Variants in NAALADL2 observed in about 807,000 individuals in gnomAD.
NAALADL2 encodes N-acetylated alpha-linked acidic dipeptidase like 2.
A neutral mutation model predicts 87.2 loss-of-function variants in NAALADL2; 76 were observed. That is an observed-to-expected ratio of 0.87 (90% CI 0.72 to 1.05). The LOEUF is 1.05. Ranked by LOEUF, NAALADL2 falls within the 50% of genes least tolerant of loss-of-function variation. NAALADL2 has a pLI of 0.00. For missense variants in NAALADL2, 1,089 were observed against 945.8 expected, an observed-to-expected ratio of 1.15 and a Z score of -1.99; for synonymous variants, 354 against 331.0, an observed-to-expected ratio of 1.07 and a Z score of -0.75.
intron 2 of NAALADL2, among the ~76,000 whole-genome samples, chr3:175,177,257 A>G (rs993482433): frequency 6.6e-6 from 1 of 152,072 alleles, no homozygotes; most frequent in Non-Finnish European, 1.5e-5. Flanking sequence ...CACTTCGTTT[A>G]TCTGTGATAT....
intron 11 of NAALADL2, among the ~76,000 whole-genome samples, chr3:175,708,190 A>G (rs1339925619): frequency 1.3e-5 from 2 of 152,146 alleles, no homozygotes; most frequent in Non-Finnish European, 2.9e-5. Flanking sequence ...AAGAAGCCAT[A>G]TAAAGACATG....
At chr3:174,753,222 C>T (rs555964550) in intron 3 of NAALADL2, among the ~76,000 whole-genome samples, 35 of 152,134 alleles carry the variant, frequency 2.3e-4, no homozygotes, top group African/African-American at 7.2e-4. Flanking sequence ...TACAGGCATG[C>T]GCCACCATGC....
At chr3:174,487,709 T>A (rs1473595627) in intron 1 of NAALADL2, among the ~76,000 whole-genome samples, 1 of 151,530 alleles carries the variant, frequency 6.6e-6, no homozygotes, top group Non-Finnish European at 1.5e-5. Flanking sequence ...TTTTTTTTTT[T>A]AACAATAGTA....
chr3:175,400,454 C>G (rs1239655629), intron 5 of NAALADL2, among the ~76,000 whole-genome samples: 1 of 152,030 alleles, frequency 6.6e-6, no homozygotes, highest in Non-Finnish European at 1.5e-5. Context: ...ATTTCTTAAT[C>G]TCTACTGAAA....
At position 175,805,968 on chromosome 3, in the gene NAALADL2, G is replaced by A. The variant is rs930167509; in HGVS notation, c.*2765G>A. ...ACCAGATATAGTAACTAAACCCAAA[G>A]TGAGTAAGAAACTTGGACATAGTCA... On this transcript the variant is annotated 3_prime_UTR_variant, in exon 14 of 14. Coordinates refer to ENST00000454872, the MANE Select transcript of NAALADL2 (RefSeq NM_207015.3). 9 of 151,584 alleles carry A rather than the reference G, an allele frequency of 5.9e-5. No homozygotes were observed. The highest frequency in any genetic ancestry group is 9.7e-5 in the African/African-American group (4 of 41,374). The allele number at this position is 151,584 out of a possible 1,614,324, so 9.4% of individuals were successfully genotyped here.
chr3:175,616,541 T>C (rs1260693699), intron 10 of NAALADL2, among the ~76,000 whole-genome samples: 2 of 152,084 alleles, frequency 1.3e-5, no homozygotes, highest in African/African-American at 4.8e-5. Context: ...ATGTAGGAAC[T>C]CTGAAAATAT....
At chr3:174,818,295 T>G (rs1721017601) in intron 3 of NAALADL2, among the ~76,000 whole-genome samples, 1 of 152,184 alleles carries the variant, frequency 6.6e-6, no homozygotes, top group African/African-American at 2.4e-5. Flanking sequence ...GCCACGTCTC[T>G]AGCTTATAAG....
rs558807555 is a variant in NAALADL2 at position 174,921,577 on chromosome 3, G to A, written c.43+62127G>A. On this transcript the variant is annotated intron_variant, in intron 1 of 13. Coordinates refer to ENST00000454872, the MANE Select transcript of NAALADL2 (RefSeq NM_207015.3). ...AGCACTTTGGCAGGCCGAGGCAGGC[G>A]GATCACCAAGTCAGGAGATCGAGAC... 3.0e-3 allele frequency among the ~76,000 whole-genome samples: 458 copies of A among 151,982 alleles called. 3 individuals carry two copies. Among genetic ancestry groups the A allele is most frequent in the African/African-American group, 0.01 (424 of 41,454 alleles).
intron 3 of NAALADL2, among the ~76,000 whole-genome samples, chr3:174,786,236 G>T (rs2109172589): frequency 6.6e-6 from 1 of 152,140 alleles, no homozygotes; most frequent in East Asian, 1.9e-4. Context: ...AGATCATGAG[G>T]TCAGGTGATC....
At chr3:174,584,502 T>C (rs1355176757) in intron 2 of NAALADL2, among the ~76,000 whole-genome samples, 1 of 152,078 alleles carries the variant, frequency 6.6e-6, no homozygotes, top group Non-Finnish European at 1.5e-5. Flanking sequence ...GCTTCAACTT[T>C]CTACACATAG....
chr3:174,495,446 T>G (rs1359018954), intron 1 of NAALADL2, among the ~76,000 whole-genome samples: 1 of 152,198 alleles, frequency 6.6e-6, no homozygotes, highest in African/African-American at 2.4e-5. Flanking sequence ...AGCCCTGTTC[T>G]TGAACACGTT....
At chr3:175,236,580 G>A (rs1274429987) in intron 3 of NAALADL2, among the ~76,000 whole-genome samples, 1 of 151,320 alleles carries the variant, frequency 6.6e-6, no homozygotes, top group African/African-American at 2.4e-5. Flanking sequence ...AGAAAAAGCG[G>A]GGGTGGGTAT....
At chr3:174,910,836 C>T (rs1008881050) in intron 1 of NAALADL2, among the ~76,000 whole-genome samples, 4 of 152,016 alleles carry the variant, frequency 2.6e-5, no homozygotes, top group African/African-American at 9.7e-5. Flanking sequence ...TAATAATGTA[C>T]CATTTTAGGC....
intron 9 of NAALADL2, among the ~76,000 whole-genome samples, chr3:175,500,451 T>A (rs1449194672): frequency 6.6e-6 from 1 of 151,804 alleles, no homozygotes; most frequent in Non-Finnish European, 1.5e-5. Context: ...CAGAGAGGTT[T>A]GTTTGCTTAG....
chr3:175,441,062 T>C (rs573778724), intron 5 of NAALADL2, among the ~76,000 whole-genome samples: 1 of 152,250 alleles, frequency 6.6e-6, no homozygotes, highest in African/African-American at 2.4e-5. Flanking sequence ...TTCTTTTCAT[T>C]TTTCTTTTTA....
intron 11 of NAALADL2, among the ~76,000 whole-genome samples, chr3:175,648,170 T>C (rs931691581): frequency 6.6e-6 from 1 of 152,184 alleles, no homozygotes; most frequent in Non-Finnish European, 1.5e-5. Flanking sequence ...CAAACACTTA[T>C]AACAAGTTCC....
At chr3:174,743,804 A>T (rs573292989) in intron 3 of NAALADL2, among the ~76,000 whole-genome samples, 8 of 150,518 alleles carry the variant, frequency 5.3e-5, no homozygotes, top group African/African-American at 1.7e-4. Context: ...TCTAAAGAAC[A>T]TATTTTTTTT....
chr3:174,991,249 A>ACAAC (rs1746701526), intron 1 of NAALADL2, among the ~76,000 whole-genome samples: 1 of 152,108 alleles, frequency 6.6e-6, no homozygotes, highest in African/African-American at 2.4e-5. Flanking sequence ...GTAGAACAGT[A>ACAAC]AATACAAGAG....
intron 4 of NAALADL2, among the ~76,000 whole-genome samples, chr3:175,286,742 T>C (rs1755022941): frequency 1.3e-5 from 2 of 151,676 alleles, no homozygotes; most frequent in East Asian, 3.9e-4. Flanking sequence ...TCTATACTTT[T>C]AGAAACATTT....
Sources: gnomAD v4.1 joint callset for allele counts (sites outside exome capture counted in the v4.1 genomes callset) on GRCh38, gnomAD v4.1.1 for gene constraint, MANE v1.5 for transcripts, NCBI Gene and HGNC (gene_info 2026-07-23, HGNC 2026-07-21) for gene names.